VPS13B: variants seen among roughly 807,000 people sequenced by gnomAD.
VPS13B encodes the protein vacuolar protein sorting 13 homolog B.
A neutral mutation model predicts 426.4 loss-of-function variants in VPS13B; 285 were observed. That is an observed-to-expected ratio of 0.67 (90% CI 0.61 to 0.74). VPS13B has a LOEUF of 0.74. Ranked by LOEUF, VPS13B falls within the 30% of genes least tolerant of loss-of-function variation. The pLI is 0.00. For synonymous variants in VPS13B, 1,676 were observed against 1,676.4 expected (o/e 1.00, Z 0.01); for missense variants, 4,537 against 4,782.6 (o/e 0.95, Z 1.51).
chr8:99,599,846 T>G (rs566802767), intron 33 of VPS13B, among the ~76,000 whole-genome samples: 1 of 152,130 alleles, frequency 6.6e-6, no homozygotes, highest in Non-Finnish European at 1.5e-5. Flanking sequence ...CTTTAGCAAA[T>G]GCCACAGGTG....
At chr8:99,324,502 A>T (rs1041440879) in intron 19 of VPS13B, among the ~76,000 whole-genome samples, 2 of 152,132 alleles carry the variant, frequency 1.3e-5, no homozygotes, top group Non-Finnish European at 2.9e-5. Context: ...TAGAGTTTTC[A>T]TGGGGCTGGG....
At chr8:99,497,079 T>G (rs1588438511) in intron 25 of VPS13B, among the ~76,000 whole-genome samples, 1 of 143,246 alleles carries the variant, frequency 7.0e-6, no homozygotes, top group Admixed American at 7.1e-5. Flanking sequence ...TTATTTGTAA[T>G]ATATATAAAT....
At chr8:99,680,596 A>T (rs1373468669) in intron 35 of VPS13B, among the ~76,000 whole-genome samples, 1 of 152,252 alleles carries the variant, frequency 6.6e-6, no homozygotes, top group Non-Finnish European at 1.5e-5. Flanking sequence ...GATACAGAAT[A>T]TGTTCTGAAA....
chr8:99,327,510 C>G (rs1462357253), intron 19 of VPS13B, among the ~76,000 whole-genome samples: 2 of 152,058 alleles, frequency 1.3e-5, no homozygotes, highest in Non-Finnish European at 2.9e-5. Flanking sequence ...GAGCAGTCAA[C>G]ACACATAAGA....
intron 19 of VPS13B, among the ~76,000 whole-genome samples, chr8:99,312,621 T>C (rs992466542): frequency 1.3e-5 from 2 of 152,200 alleles, no homozygotes; most frequent in Non-Finnish European, 2.9e-5. Context: ...TCATTTCAAC[T>C]TTGGTGAATC....
At chr8:99,798,637 A>G (rs1812977316) in intron 43 of VPS13B, among the ~76,000 whole-genome samples, 1 of 152,276 alleles carries the variant, frequency 6.6e-6, no homozygotes, top group African/African-American at 2.4e-5. Flanking sequence ...TCAAGTGCAA[A>G]GCGCCCAGAG....
chr8:99,136,341 G>A (rs1256888469), intron 11 of VPS13B, among the ~76,000 whole-genome samples: 1 of 151,984 alleles, frequency 6.6e-6, no homozygotes, highest in African/African-American at 2.4e-5. Context: ...TTCTATTTGA[G>A]AGTATACATT....
intron 24 of VPS13B, among the ~76,000 whole-genome samples, chr8:99,475,005 C>G (rs1819618344): frequency 6.6e-6 from 1 of 152,104 alleles, no homozygotes; most frequent in Non-Finnish European, 1.5e-5. Context: ...TAATACTAAT[C>G]AGCCATTAAA....
At chr8:99,498,011 G>T (rs1244646529) in intron 25 of VPS13B, among the ~76,000 whole-genome samples, 1 of 151,954 alleles carries the variant, frequency 6.6e-6, no homozygotes, top group African/African-American at 2.4e-5. Flanking sequence ...AAAAATGAAG[G>T]TTATTGTTTA....
At chr8:99,661,118 AT>A (rs970664057) in intron 34 of VPS13B, among the ~76,000 whole-genome samples, 3 of 151,972 alleles carry the variant, frequency 2.0e-5, no homozygotes, top group Admixed American at 6.6e-5. Context: ...AGATTTGAAC[AT>A]TTTTTTCCTC....
chr8:99,431,024 A>C (rs1170944456), intron 21 of VPS13B, among the ~76,000 whole-genome samples: 2 of 152,108 alleles, frequency 1.3e-5, no homozygotes, highest in Non-Finnish European at 2.9e-5. Context: ...GGCCAAAATC[A>C]CTTTTTAAAA....
At chr8:99,697,668 C>T (rs1265148803) in intron 35 of VPS13B, 2 of 645,950 alleles carry the variant, frequency 3.1e-6, no homozygotes, top group Non-Finnish European at 2.9e-6. Context: ...AGCAGATGAT[C>T]GGGCAGATCG....
At chr8:99,768,276 A>G (rs1268694146) in intron 40 of VPS13B, among the ~76,000 whole-genome samples, 1 of 152,134 alleles carries the variant, frequency 6.6e-6, no homozygotes, top group Non-Finnish European at 1.5e-5. Context: ...CCTGGAAACA[A>G]CATTCTGACA....
chr8:99,859,435 G>A lies in VPS13B; in HGVS notation c.10999G>A (p.Gly3667Ser). The part of the protein sequence containing the change: ...LTRGPGAFVS[G>S]VSRGTTSFVK... The stretch of plus-strand genomic sequence containing the variant: ...CCGGGGCCCTGGAGCCTTCGTGAGT[G>A]GCGTCTCCAGAGGGACCACATCGTT... Residue 3667 changes from glycine (G) to serine (S), a missense_variant, in exon 57 of 62, where the codon GGC becomes AGC. By Grantham distance (56) the Gly-to-Ser change is moderately conservative (BLOSUM62 0). Transcript: ENST00000357162. The A allele has an allele frequency of 6.2e-7, 1 of 1,614,102 alleles. No homozygotes were observed.
intron 38 of VPS13B, 62 bp downstream of exon 38, chr8:99,720,614 T>C (rs1485194574): frequency 6.6e-7 from 1 of 1,522,654 alleles, no homozygotes; most frequent in African/African-American, 1.4e-5. Context: ...TTTAAATGCA[T>C]GTTGACTAAA....
rs1234980407 is a variant in VPS13B, at chr8:99,877,089, C to T, written c.*1423C>T. On this transcript the variant is annotated 3_prime_UTR_variant, in exon 62 of 62. Transcript: ENST00000357162. ...GTTGCCCAGCTGGTCTCATACTCCT[C>T]AGTTCACGCATTCCTCCCACCTCCA... 1 of 152,184 alleles carries T rather than the reference C, an allele frequency of 6.6e-6. No homozygotes were observed. Among genetic ancestry groups the T allele is most frequent in the East Asian group, 1.9e-4 (1 of 5,194 alleles). 9.4% of individuals were successfully genotyped at this position (152,184 alleles called of 1,614,324 possible).
intron 30 of VPS13B, among the ~76,000 whole-genome samples, chr8:99,542,015 C>T (rs941691154): frequency 2.0e-5 from 3 of 152,118 alleles, no homozygotes; most frequent in African/African-American, 7.2e-5. Flanking sequence ...AATGCCAAAC[C>T]TTGGAACATA....
intron 17 of VPS13B, among the ~76,000 whole-genome samples, chr8:99,246,040 T>C (rs1817198954): frequency 6.6e-6 from 1 of 152,258 alleles, no homozygotes; most frequent in Non-Finnish European, 1.5e-5. Context: ...GTTTTGTTTT[T>C]TGAGACTGTG....
At chr8:99,859,220 C>T in intron 56 of VPS13B, 84 bp from the exon 57 acceptor site, 1 of 1,526,668 alleles carries the variant, frequency 6.6e-7, no homozygotes, top group Non-Finnish European at 9.1e-7. Context: ...AAATGAATTG[C>T]AGGGAAAATG....
Sources: gnomAD v4.1 joint callset for allele counts (sites outside exome capture counted in the v4.1 genomes callset) on GRCh38, gnomAD v4.1.1 for gene constraint, MANE v1.5 for transcripts, NCBI Gene and HGNC (gene_info 2026-07-23, HGNC 2026-07-21) for gene names.